The following DIPK1B variants were observed in gnomAD, a reference collection of about 807,000 sequenced individuals.
DIPK1B encodes the protein family with sequence similarity 69 member B.
Under a neutral mutation model 20.7 loss-of-function variants are expected in DIPK1B, and 17 were observed. That is an observed-to-expected ratio of 0.82 (90% CI 0.56 to 1.23). DIPK1B has a LOEUF of 1.23. Among genes scored for constraint, DIPK1B ranks in the 50% most tolerant of loss-of-function variants. The probability of loss-of-function intolerance (pLI) is 0.00; values close to 1 mark genes in which losing one functional copy is unlikely to be tolerated. For missense variants in DIPK1B, 648 were observed against 601.8 expected (o/e 1.08, Z -0.80); for synonymous variants, 343 against 276.5 (o/e 1.24, Z -2.39).
intron 2 of DIPK1B, among the ~76,000 whole-genome samples, chr9:136,720,490 G>A (rs931512350): frequency 1.3e-5 from 2 of 152,162 alleles, no homozygotes; most frequent in Admixed American, 1.3e-4. Context: ...AGAGGGGCGG[G>A]CCAGCTCCAT....
chr9:136,717,713 T>TA lies in DIPK1B; in HGVS notation c.198+4dup. 6.2e-7 allele frequency: 1 copy of TA among 1,611,172 alleles called. No homozygotes were observed. Among genetic ancestry groups the TA allele is most frequent in the Non-Finnish European group, 8.5e-7 (1 of 1,179,922 alleles). On this transcript the variant is annotated splice_region_variant and intron_variant, in intron 2 of 4. Coordinates refer to ENST00000371692, the MANE Select transcript of DIPK1B (RefSeq NM_152421.4). The stretch of plus-strand genomic sequence containing the variant: ...GGCCATGTCTGCCAGGTGGTCATTG[T>TA]AAGTGTTGCTTGTGCGGGCTGGGGA...
chr9:136,721,822 G>A lies in DIPK1B; in HGVS notation c.199-99G>A, dbSNP rs1423015174. ...AGGGGCTGGCAGCTTTCCAACTGCAGCAAGTGGAGGCCCCTGCCAGCTTCG... is the reference window on the plus strand; with the variant it reads ...AGGGGCTGGCAGCTTTCCAACTGCAACAAGTGGAGGCCCCTGCCAGCTTCG... On this transcript the variant is annotated intron_variant, in intron 2 of 4. Coordinates refer to ENST00000371692, the MANE Select transcript of DIPK1B (RefSeq NM_152421.4). 6.7e-6 allele frequency: 7 copies of A among 1,038,904 alleles called. No individual in the cohort carries two copies. In the East Asian group the frequency reaches 1.5e-4, roughly 22 times the overall value. The allele number at this position is 1,038,904 out of a possible 1,614,324, so 64.4% of individuals were successfully genotyped here. A position where few individuals can be genotyped will look rare whatever the true frequency, so the allele number is the denominator to read the frequency against.
At chr9:136,720,538 G>T (rs1379040643) in intron 2 of DIPK1B, among the ~76,000 whole-genome samples, 3 of 152,174 alleles carry the variant, frequency 2.0e-5, no homozygotes, top group Non-Finnish European at 4.4e-5. Flanking sequence ...GGATTGAGGG[G>T]CTGCCAGGCC....
At chr9:136,722,612 C>A in intron 4 of DIPK1B, 1 of 558,318 alleles carries the variant, frequency 1.8e-6, no homozygotes, top group Non-Finnish European at 3.2e-6. Context: ...AAAGGGGCCG[C>A]TTCCCAGGGC....
rs1338225753 is a variant in DIPK1B, at chr9:136,722,854, C to T, written c.484-108C>T. On this transcript the variant is annotated intron_variant, in intron 4 of 4. Coordinates refer to ENST00000371692, the MANE Select transcript of DIPK1B (RefSeq NM_152421.4). ...TGGGACCCCTAACCTGGCAGATGTG[C>T]TGGTCTGGCCGGCAGACCACCCCGC... is the stretch of plus-strand genomic sequence containing the variant. 8 of 1,151,066 alleles carry T rather than the reference C, an allele frequency of 7.0e-6. No individual in the cohort carries two copies. The East Asian group carries it at 2.1e-4, about 30-fold the overall frequency. 71.3% of individuals were successfully genotyped at this position (1,151,066 alleles called of 1,614,324 possible).
Position 136,721,771 on chromosome 9 carries a change from C to T in DIPK1B, c.199-150C>T, listed in dbSNP as rs1846604906. The stretch of plus-strand genomic sequence containing the variant: ...CATCCTGCAGCCACCAATGGCATGA[C>T]CCAGGGCCCCGGCACTGCCTGTGTG... On this transcript the variant is annotated intron_variant, in intron 2 of 4. Coordinates refer to ENST00000371692, the MANE Select transcript of DIPK1B (RefSeq NM_152421.4). 1.5e-5 allele frequency: 10 copies of T among 684,124 alleles called. No homozygotes were observed. In the South Asian group the frequency reaches 1.8e-4, roughly 12 times the overall value. 42.4% of individuals were successfully genotyped at this position (684,124 alleles called of 1,614,324 possible).
rs757439357 is a variant in DIPK1B, at chr9:136,723,309, C to T, written c.831C>T (p.Gly277=). Residue 277 remains glycine, a synonymous_variant, in exon 5 of 5, where the codon GGC becomes GGT. Coordinates refer to ENST00000371692, the MANE Select transcript of DIPK1B (RefSeq NM_152421.4). ...CTTGGCGGGCCAAGATCGCCATCGG[C>T]CTGCTGGAGTTCGTGGAGGAGCTCT... ...AWPWRAKIAI[G]LLEFVEELFH... 1 of 1,612,928 alleles carries T rather than the reference C, an allele frequency of 6.2e-7. No homozygotes were observed. Among genetic ancestry groups the T allele is most frequent in the Non-Finnish European group, 8.5e-7 (1 of 1,179,844 alleles).
rs1846676608 is a variant in DIPK1B, at chr9:136,724,693, T to G, written c.*919T>G. The G allele has an allele frequency of 6.6e-6, 1 of 152,258 alleles. No homozygotes were observed. The highest frequency in any genetic ancestry group is 2.1e-4 in the South Asian group (1 of 4,836). The allele number at this position is 152,258 out of a possible 1,614,324, so 9.4% of individuals were successfully genotyped here. On this transcript the variant is annotated 3_prime_UTR_variant, in exon 5 of 5. Coordinates refer to ENST00000371692, the MANE Select transcript of DIPK1B (RefSeq NM_152421.4). The stretch of plus-strand genomic sequence containing the variant: ...TCTTTTAATTCACTTCATCCTGTAT[T>G]TTAAAATAAATGTTTTCCATATAGA...
chr9:136,712,785 C>A lies in DIPK1B; in HGVS notation c.63+57C>A. On this transcript the variant is annotated intron_variant, in intron 1 of 4. Coordinates refer to ENST00000371692, the MANE Select transcript of DIPK1B (RefSeq NM_152421.4). The surrounding 1 kb of genome is among the most constrained non-coding windows in gnomAD (Gnocchi z 5.6). ...CGCCTCTGCCTGGGGAGGCCGAGCT[C>A]CAGCCCCGGAGTGGGCCGAGTACGG... 8.1e-7 allele frequency: 1 copy of A among 1,237,164 alleles called. No individual in the cohort carries two copies. The highest frequency in any genetic ancestry group is 2.5e-5 in the South Asian group (1 of 40,772). The allele number at this position is 1,237,164 out of a possible 1,614,324, so 76.6% of individuals were successfully genotyped here. A position where few individuals can be genotyped will look rare whatever the true frequency, so the allele number is the denominator to read the frequency against.
In DIPK1B at chr9:136,712,665, C is replaced by T. The variant is rs1172839050; in HGVS notation, c.-1C>T. 7.8e-7 allele frequency: 1 copy of T among 1,286,286 alleles called. No individual in the cohort carries two copies. Among genetic ancestry groups the T allele is most frequent in the Non-Finnish European group, 9.8e-7 (1 of 1,016,168 alleles). The allele number at this position is 1,286,286 out of a possible 1,614,324, so 79.7% of individuals were successfully genotyped here. ...CCGCGCAGCCCCGGCCGGAGCCCAC[C>T]ATGCGGCGGCTGCGGCGCCTGGCGC... On this transcript the variant is annotated 5_prime_UTR_variant, in exon 1 of 5. Coordinates refer to ENST00000371692, the MANE Select transcript of DIPK1B (RefSeq NM_152421.4). This position sits in a 1 kb window ranked among gnomAD's most constrained non-coding sequence, Gnocchi z 5.6.
chr9:136,721,519 T>G, intron 2 of DIPK1B: 3 of 205,596 alleles, frequency 1.5e-5, no homozygotes, highest in Non-Finnish European at 3.0e-5. Flanking sequence ...CTAGTGTGAA[T>G]TCTAGTTCAC....
At chr9:136,713,900 G>T (rs1588279491) in intron 1 of DIPK1B, among the ~76,000 whole-genome samples, 1 of 152,264 alleles carries the variant, frequency 6.6e-6, no homozygotes, top group African/African-American at 2.4e-5. Context: ...CACGGTCTGA[G>T]CCTGCTGGGC....
intron 3 of DIPK1B, 37 bp from the exon 4 acceptor site, chr9:136,722,088 G>A: frequency 1.2e-6 from 2 of 1,613,576 alleles, no homozygotes; most frequent in Non-Finnish European, 8.5e-7. Context: ...AGTGGGAGGG[G>A]GATGTCTGCA....
chr9:136,714,489 G>T (rs1846468990), intron 1 of DIPK1B, among the ~76,000 whole-genome samples: 1 of 152,164 alleles, frequency 6.6e-6, no homozygotes, highest in African/African-American at 2.4e-5. Flanking sequence ...CCCGAGGCCA[G>T]CTGCAGCCTC....
Position 136,712,735 on chromosome 9 carries a change from G to A in DIPK1B, c.63+7G>A. The A allele has an allele frequency of 7.4e-7, 1 of 1,343,944 alleles. No individual in the cohort carries two copies. Among genetic ancestry groups the A allele is most frequent in the African/African-American group, 1.5e-5 (1 of 65,180 alleles). The allele number at this position is 1,343,944 out of a possible 1,614,324, so 83.3% of individuals were successfully genotyped here. On this transcript the variant is annotated splice_region_variant and intron_variant, in intron 1 of 4. Coordinates refer to ENST00000371692, the MANE Select transcript of DIPK1B (RefSeq NM_152421.4). This position sits in a 1 kb window ranked among gnomAD's most constrained non-coding sequence, Gnocchi z 5.6. ...CTTCTCCAAGCGCCTGCAGGTAAGCGCGGTGCGCGCCCGCCGCCCCCGGCC... is the reference window on the plus strand; with the variant it reads ...CTTCTCCAAGCGCCTGCAGGTAAGCACGGTGCGCGCCCGCCGCCCCCGGCC...
chr9:136,714,292 A>G (rs943615495), intron 1 of DIPK1B, among the ~76,000 whole-genome samples: 64 of 152,264 alleles, frequency 4.2e-4, no homozygotes, highest in African/African-American at 1.5e-3. Context: ...GGACCACTGC[A>G]CTCCAGCCTG....
In DIPK1B at chr9:136,712,638, G is replaced by A; in HGVS notation, c.-28G>A. On this transcript the variant is annotated 5_prime_UTR_variant, in exon 1 of 5. Coordinates refer to ENST00000371692, the MANE Select transcript of DIPK1B (RefSeq NM_152421.4). The surrounding 1 kb of genome is among the most constrained non-coding windows in gnomAD (Gnocchi z 5.6). ...GGGCTGAGGCCGAGCGAGCCGCGGG[G>A]CCCGCGCAGCCCCGGCCGGAGCCCA... 8.8e-7 allele frequency: 1 copy of A among 1,133,240 alleles called. No individual in the cohort carries two copies. The highest frequency in any genetic ancestry group is 1.1e-6 in the Non-Finnish European group (1 of 923,514). 70.2% of individuals were successfully genotyped at this position (1,133,240 alleles called of 1,614,324 possible).
rs1299001485 is a variant in DIPK1B, at chr9:136,724,366, A to G, written c.*592A>G. On this transcript the variant is annotated 3_prime_UTR_variant, in exon 5 of 5. Coordinates refer to ENST00000371692, the MANE Select transcript of DIPK1B (RefSeq NM_152421.4). Reference sequence around the variant, plus strand: ...AGAAAACAGATATATGCGGTATTTTAAAAACTGATTTTACAAAATCCAGCC... The same window carrying G: ...AGAAAACAGATATATGCGGTATTTTGAAAACTGATTTTACAAAATCCAGCC... Among the ~76,000 whole-genome samples, 1 of 152,238 alleles carries G rather than the reference A, an allele frequency of 6.6e-6. No homozygotes were observed. The highest frequency in any genetic ancestry group is 1.5e-5 in the Non-Finnish European group (1 of 68,044).
chr9:136,719,644 G>C (rs1035105660), intron 2 of DIPK1B, among the ~76,000 whole-genome samples: 1 of 152,230 alleles, frequency 6.6e-6, no homozygotes, highest in Admixed American at 6.5e-5. Context: ...GCACACGCCC[G>C]CCTCAGCCTC....
Sources: allele counts gnomAD v4.1 joint callset (sites outside exome capture counted in the v4.1 genomes callset), GRCh38; gene constraint gnomAD v4.1.1; non-coding constraint Gnocchi (gnomAD v3.1); transcripts MANE v1.5; gene names NCBI Gene and HGNC (gene_info 2026-07-23, HGNC 2026-07-21).